Variants in COL17A1 observed in about 807,000 individuals in gnomAD.
COL17A1 encodes collagen type XVII alpha 1 chain, also known as collagen alpha-1(XVII) chain.
COL17A1 carries 181 observed loss-of-function variants against 218.4 expected under a neutral mutation model. The ratio of observed to expected loss-of-function variants is 0.83; its 90% CI spans 0.73 to 0.94. The LOEUF (loss-of-function observed/expected upper bound fraction) is 0.94, where lower values mean the gene tolerates loss of function less well. COL17A1 is among the 40% of genes least tolerant of loss of function. The pLI, the probability that COL17A1 is intolerant of heterozygous loss-of-function variation, is 0.00. For synonymous variants in COL17A1, 721 were observed against 731.0 expected (o/e 0.99, Z 0.22); for missense variants, 1,924 against 1,945.9 (o/e 0.99, Z 0.21).
In COL17A1 at chr10:104,043,516, G is replaced by T; in HGVS notation, c.2500C>A (p.Pro834Thr). 3 of 1,610,750 alleles carry T rather than the reference G, an allele frequency of 1.9e-6. No individual in the cohort carries two copies. The highest frequency in any genetic ancestry group is 2.5e-6 in the Non-Finnish European group (3 of 1,179,946). The change falls in exon 35 of 56, where the codon CCT (proline) becomes ACT (threonine). Residue 834 changes from proline (P) to threonine (T), a missense_variant. Transcript: ENST00000648076. ...GPPGAMGPPG[P>T]PGAPGPAGPA... ...ATAGACTGACCTGGGGCACCTGGAGGTCCTGGGGGTCCCATGGCTCCAGGA... is the reference window on the plus strand; with the variant it reads ...ATAGACTGACCTGGGGCACCTGGAGTTCCTGGGGGTCCCATGGCTCCAGGA...
At position 104,033,384 on chromosome 10, in the gene COL17A1, C is replaced by T; in HGVS notation, c.4157-9G>A. The T allele has an allele frequency of 4.3e-6, 7 of 1,609,712 alleles. No individual in the cohort carries two copies. The highest frequency in any genetic ancestry group is 3.3e-5 in the South Asian group (3 of 89,998). On this transcript the variant is annotated splice_polypyrimidine_tract_variant and intron_variant, in intron 52 of 55. Coordinates refer to ENST00000648076, the MANE Select transcript of COL17A1 (RefSeq NM_000494.4). Reference sequence around the variant, plus strand: ...TTGCAGTAGGCCCTGACCTGTAAAACACCAGAGCTTGGGCACAGGAAGCAG... The same window carrying T: ...TTGCAGTAGGCCCTGACCTGTAAAATACCAGAGCTTGGGCACAGGAAGCAG...
chr10:104,037,493 G>T, intron 46 of COL17A1, 143 bp downstream of exon 46: 2 of 1,132,674 alleles, frequency 1.8e-6, no homozygotes, highest in Non-Finnish European at 1.3e-6. Flanking sequence ...GTATCCCAGT[G>T]GCCCGATTAT....
intron 53 of COL17A1, 87 bp from the exon 54 acceptor site, chr10:104,033,055 A>AGAT (rs2134560691): frequency 6.5e-7 from 1 of 1,546,950 alleles, no homozygotes; most frequent in African/African-American, 1.4e-5. Context: ...TAACACAGAG[A>AGAT]GATAGTGATG....
chr10:104,054,322 A>G (rs529577298), intron 20 of COL17A1, among the ~76,000 whole-genome samples: 17 of 152,358 alleles, frequency 1.1e-4, no homozygotes, highest in African/African-American at 3.6e-4. Context: ...AGTTATAGTG[A>G]AAAATTATTT....
intron 3 of COL17A1, 144 bp downstream of exon 3, chr10:104,078,398 C>A (rs762238766): frequency 2.8e-5 from 30 of 1,063,736 alleles, no homozygotes; most frequent in Non-Finnish European, 4.1e-5. Flanking sequence ...TTCAAACTGG[C>A]GAATTCTGTT....
At chr10:104,077,836 A>G (rs2086725395) in intron 3 of COL17A1, among the ~76,000 whole-genome samples, 1 of 152,238 alleles carries the variant, frequency 6.6e-6, no homozygotes, top group Non-Finnish European at 1.5e-5. Flanking sequence ...AAATAGTAGA[A>G]AAGGCTGAGC....
rs756974801 is a variant in COL17A1, at chr10:104,052,265, G to A, written c.1940-48C>T. On this transcript the variant is annotated intron_variant, in intron 23 of 55. Coordinates refer to ENST00000648076, the MANE Select transcript of COL17A1 (RefSeq NM_000494.4). ...GCACTTTGGGAGAGGCCCCAGTGTG[G>A]CTGCCCCCTATCCTGGCACTGTCAT... 1.8e-5 allele frequency: 29 copies of A among 1,611,080 alleles called. No individual in the cohort carries two copies. In the Admixed American group the frequency reaches 4.8e-4, roughly 27 times the overall value.
intron 34 of COL17A1, 85 bp from the exon 35 acceptor site, chr10:104,043,666 CCTGGCATTT>C: frequency 6.5e-7 from 1 of 1,532,616 alleles, no homozygotes; most frequent in Admixed American, 1.7e-5. Flanking sequence ...TGGTGGGCAG[CCTGGCATTT>C]CTTCTTCTCA....
intron 46 of COL17A1, 124 bp from the exon 47 acceptor site, chr10:104,037,237 T>C: frequency 2.4e-6 from 2 of 840,604 alleles, no homozygotes; most frequent in Non-Finnish European, 3.9e-6. Flanking sequence ...ATGAATGGAG[T>C]ATTACGAGGC....
chr10:104,043,934 C>T (rs904312941), intron 33 of COL17A1, 74 bp from the exon 34 acceptor site: 3 of 1,542,206 alleles, frequency 1.9e-6, no homozygotes, highest in East Asian at 2.2e-5. Context: ...ATTTTCAAGG[C>T]TTCTGATTGC....
rs775877857 is a variant in COL17A1, at chr10:104,052,193, T to C, written c.1964A>G (p.His655Arg). Residue 655 changes from histidine (H) to arginine (R), a missense_variant, in exon 24 of 56, where the codon CAT becomes CGT. Transcript: ENST00000648076. ...AGAACCTGGGACACCAGGTGGGCCA[T>C]GAGGACCTGGTTCACCAGCAGCCCC... Reference protein sequence around the residue: ...ERGAAGEPGPHGPPGVPGSVG... With the variant: ...ERGAAGEPGPRGPPGVPGSVG... 8 of 1,614,014 alleles carry C rather than the reference T, an allele frequency of 5.0e-6. No homozygotes were observed. The East Asian group carries it at 8.9e-5, about 18-fold the overall frequency.
Position 104,055,420 on chromosome 10 carries a change from C to A in COL17A1, c.1688-19G>T. The A allele has an allele frequency of 6.3e-7, 1 of 1,592,972 alleles. No homozygotes were observed. Among genetic ancestry groups the A allele is most frequent in the South Asian group, 1.1e-5 (1 of 90,512 alleles). ...AGATTTCCTGCAAGAAAAAGCAAAT[C>A]CTGAGTCAGCTTCACATCTCCTGTC... is the stretch of plus-strand genomic sequence containing the variant. On this transcript the variant is annotated intron_variant, in intron 18 of 55. Coordinates refer to ENST00000648076, the MANE Select transcript of COL17A1 (RefSeq NM_000494.4).
intron 16 of COL17A1, 36 bp from the exon 17 acceptor site, chr10:104,057,208 G>T (rs779475014): frequency 1.2e-6 from 2 of 1,613,664 alleles, no homozygotes; most frequent in Non-Finnish European, 1.7e-6. Flanking sequence ...GCAAATGCAG[G>T]CAGCTCCTGC....
rs1197665921 is a variant in COL17A1, at chr10:104,035,129, G to A, written c.3619+134C>T. On this transcript the variant is annotated intron_variant, in intron 50 of 55. Coordinates refer to ENST00000648076, the MANE Select transcript of COL17A1 (RefSeq NM_000494.4). ...TGAAGGCCCCTTGCCAGCACATGTG[G>A]CGCTCTCCAGGGCCCTGCACCCAGC... is the stretch of plus-strand genomic sequence containing the variant. The A allele has an allele frequency of 8.7e-6, 7 of 808,734 alleles. No individual in the cohort carries two copies. The African/African-American group carries it at 1.0e-4, about 12-fold the overall frequency. The allele number at this position is 808,734 out of a possible 1,614,324, so 50.1% of individuals were successfully genotyped here. A position where few individuals can be genotyped will look rare whatever the true frequency, so the allele number is the denominator to read the frequency against.
intron 35 of COL17A1, 48 bp from the exon 36 acceptor site, chr10:104,042,503 C>T (rs773273344): frequency 6.3e-7 from 1 of 1,596,378 alleles, no homozygotes; most frequent in South Asian, 1.1e-5. Flanking sequence ...CATGTAGGGT[C>T]ATAGGAAGAA....
Position 104,035,382 on chromosome 10 carries a change from C to G in COL17A1, c.3509-9G>C. The G allele has an allele frequency of 6.2e-7, 1 of 1,613,878 alleles. No individual in the cohort carries two copies. The highest frequency in any genetic ancestry group is 8.5e-7 in the Non-Finnish European group (1 of 1,179,828). ...GCCTCTGAATTCAGACCCTGAGACA[C>G]CAAGGGAGGGCACGGAGTCAGTCCT... On this transcript the variant is annotated splice_polypyrimidine_tract_variant and intron_variant, in intron 49 of 55. Coordinates refer to ENST00000648076, the MANE Select transcript of COL17A1 (RefSeq NM_000494.4).
At chr10:104,033,833 G>T in intron 52 of COL17A1, 112 bp downstream of exon 52, 1 of 1,523,810 alleles carries the variant, frequency 6.6e-7, no homozygotes, top group Non-Finnish European at 8.9e-7. Flanking sequence ...TCCAGCCCCT[G>T]CCTGCTTGAT....
Position 104,049,307 on chromosome 10 carries a change from A to G in COL17A1, c.2227+102T>C, listed in dbSNP as rs2086444166. ...GGGAGACTCTACCAGGAGTGGGCAG[A>G]TTAGAGAGTAGGAGAGGCAGCTCTA... On this transcript the variant is annotated intron_variant, in intron 29 of 55. Transcript: ENST00000648076. The G allele has an allele frequency of 1.1e-5, 12 of 1,068,478 alleles. No individual in the cohort carries two copies. In the South Asian group the frequency reaches 1.5e-4, roughly 14 times the overall value. The allele number at this position is 1,068,478 out of a possible 1,614,324, so 66.2% of individuals were successfully genotyped here.
chr10:104,062,582 T>G (rs1165002249), intron 11 of COL17A1, among the ~76,000 whole-genome samples: 1 of 152,254 alleles, frequency 6.6e-6, no homozygotes, highest in Non-Finnish European at 1.5e-5. Context: ...AGCAGTAGTT[T>G]GCACAGGGTC....
Sources: gnomAD v4.1 joint callset for allele counts (sites outside exome capture counted in the v4.1 genomes callset) on GRCh38, gnomAD v4.1.1 for gene constraint, MANE v1.5 for transcripts, NCBI Gene and HGNC (gene_info 2026-07-23, HGNC 2026-07-21) for gene names.